CCDC149: variants seen among roughly 807,000 people sequenced by gnomAD.
CCDC149 encodes the protein coiled-coil domain containing 149, also known as coiled-coil domain-containing protein 149.
A neutral mutation model predicts 59.9 loss-of-function variants in CCDC149; 45 were observed. That is an observed-to-expected ratio of 0.75 (90% CI 0.59 to 0.96). The LOEUF is 0.96. CCDC149 is among the 40% of genes least tolerant of loss of function. The pLI, the probability that CCDC149 is intolerant of heterozygous loss-of-function variation, is 0.00. For missense variants in CCDC149, 584 were observed against 664.7 expected (o/e 0.88, Z 1.33); for synonymous variants, 245 against 260.6 (o/e 0.94, Z 0.58).
chr4:24,812,430 C>T lies in CCDC149; in HGVS notation c.1193-3611G>A, dbSNP rs534662347. Reference sequence around the variant, plus strand: ...CCAGATCTATATCGATGGCTCTGCTCGCTTCTTGTAGAAGATACAGACCCA... The same window carrying T: ...CCAGATCTATATCGATGGCTCTGCTTGCTTCTTGTAGAAGATACAGACCCA... On this transcript the variant is annotated intron_variant, in intron 12 of 12. Coordinates refer to ENST00000635206, the MANE Select transcript of CCDC149 (RefSeq NM_001330643.2). Among the ~76,000 whole-genome samples, 7 of 152,328 alleles carry T rather than the reference C, an allele frequency of 4.6e-5. No individual in the cohort carries two copies. The East Asian group carries it at 1.2e-3, about 25-fold the overall frequency.
intron 1 of CCDC149, among the ~76,000 whole-genome samples, chr4:24,939,118 G>A (rs1295391094): frequency 6.6e-6 from 1 of 152,236 alleles, no homozygotes; most frequent in Non-Finnish European, 1.5e-5. Context: ...CCTGACCCCT[G>A]AGTAGCCTAA....
chr4:24,825,144 G>A (rs1254406913), intron 9 of CCDC149, among the ~76,000 whole-genome samples: 2 of 152,176 alleles, frequency 1.3e-5, no homozygotes, highest in African/African-American at 4.8e-5. Flanking sequence ...ATCCAGCTCT[G>A]TAAAGCACTA....
chr4:24,843,172 T>C (rs896532049), intron 4 of CCDC149, among the ~76,000 whole-genome samples: 1 of 152,222 alleles, frequency 6.6e-6, no homozygotes, highest in African/African-American at 2.4e-5. Context: ...GCTTTCAAAG[T>C]GCAATCCCCA....
chr4:24,954,495 G>A (rs1723406406), intron 1 of CCDC149, among the ~76,000 whole-genome samples: 1 of 152,200 alleles, frequency 6.6e-6, no homozygotes, highest in Non-Finnish European at 1.5e-5. Flanking sequence ...TCCACAGCTT[G>A]TACACTCTGC....
intron 2 of CCDC149, among the ~76,000 whole-genome samples, chr4:24,874,244 G>GTTTTTTTTTTTTTTTTTTTTTTTTTTTTT (rs5856868): frequency 6.9e-5 from 6 of 87,486 alleles, no homozygotes; most frequent in African/African-American, 3.5e-4. Context: ...TATTAGATTT[G>GTTTTTTTTTTTTTTTTTTTTTTTTTTTTT]TTTTTTTTTT....
chr4:24,977,503 CCAAA>C (rs1724256822), intron 1 of CCDC149, among the ~76,000 whole-genome samples: 1 of 152,088 alleles, frequency 6.6e-6, no homozygotes, highest in Admixed American at 6.5e-5. Context: ...TCATTTGTGG[CCAAA>C]CAAATCCTAA....
chr4:24,822,849 C>G, intron 9 of CCDC149: 1 of 267,934 alleles, frequency 3.7e-6, no homozygotes, highest in Non-Finnish European at 6.9e-6. Flanking sequence ...AATGATGACT[C>G]CACCGCTGCC....
At chr4:24,892,636 C>T (rs1008002465) in intron 1 of CCDC149, among the ~76,000 whole-genome samples, 2 of 152,170 alleles carry the variant, frequency 1.3e-5, no homozygotes, top group Non-Finnish European at 2.9e-5. Flanking sequence ...CTCATTTGAT[C>T]CTCACAAGGA....
intron 1 of CCDC149, among the ~76,000 whole-genome samples, chr4:24,976,996 C>G (rs927104196): frequency 2.6e-5 from 4 of 152,184 alleles, no homozygotes; most frequent in African/African-American, 9.7e-5. Flanking sequence ...ACAAACAAAC[C>G]TCATTTCTAA....
chr4:24,939,237 A>G lies in CCDC149; in HGVS notation c.-65+40832T>C, dbSNP rs760613928. ...CAGGCAGCAGCATTTGCGGTTCACC[A>G]ATATCTGCTGTTCTGCAGCCACTGC... On this transcript the variant is annotated intron_variant, in intron 1 of 12. Transcript: ENST00000389609. 1.4e-3 allele frequency among the ~76,000 whole-genome samples: 220 copies of G among 152,310 alleles called. 1 individual carries two copies. The highest frequency in any genetic ancestry group is 3.4e-3 in the Middle Eastern group (1 of 294).
intron 3 of CCDC149, among the ~76,000 whole-genome samples, chr4:24,864,699 C>A (rs1012306443): frequency 6.6e-6 from 1 of 152,166 alleles, no homozygotes; most frequent in Non-Finnish European, 1.5e-5. Flanking sequence ...AGGCAGTGAG[C>A]AAAATGAACC....
chr4:24,913,204 A>G (rs1341565731), upstream of CCDC149, among the ~76,000 whole-genome samples: 1 of 152,044 alleles, frequency 6.6e-6, no homozygotes, highest in Non-Finnish European at 1.5e-5. Flanking sequence ...GTCTCAGCCT[A>G]CAGGTCACTC....
At chr4:24,957,154 T>C (rs960363214) in intron 1 of CCDC149, among the ~76,000 whole-genome samples, 2 of 152,194 alleles carry the variant, frequency 1.3e-5, no homozygotes, top group Non-Finnish European at 2.9e-5. Context: ...TATCTGACCA[T>C]GAAGTATCAT....
chr4:24,971,605 C>T (rs1353807620), intron 1 of CCDC149, among the ~76,000 whole-genome samples: 1 of 152,200 alleles, frequency 6.6e-6, no homozygotes, highest in Non-Finnish European at 1.5e-5. Context: ...GAGAGTACAG[C>T]CATGTAGAAG....
chr4:24,849,933 T>A (rs1364626609), intron 4 of CCDC149, among the ~76,000 whole-genome samples: 1 of 152,206 alleles, frequency 6.6e-6, no homozygotes, highest in East Asian at 1.9e-4. Flanking sequence ...CACTTATCCC[T>A]TGTCCCCCAA....
chr4:24,896,280 G>C (rs1379786222), intron 1 of CCDC149, among the ~76,000 whole-genome samples: 1 of 152,164 alleles, frequency 6.6e-6, no homozygotes, highest in Non-Finnish European at 1.5e-5. Context: ...GGAAATGGGG[G>C]GTAAGGTGAC....
intron 1 of CCDC149, among the ~76,000 whole-genome samples, chr4:24,881,529 G>C (rs1344211129): frequency 2.0e-5 from 3 of 152,234 alleles, no homozygotes; most frequent in Admixed American, 6.5e-5. Context: ...GGTCCACAGA[G>C]AACTTTGTGT....
chr4:24,904,769 TAC>T (rs1270594150), intron 1 of CCDC149, among the ~76,000 whole-genome samples: 1 of 152,256 alleles, frequency 6.6e-6, no homozygotes, highest in Non-Finnish European at 1.5e-5. Flanking sequence ...GATTTCCATT[TAC>T]AGTTCCCTAA....
chr4:24,938,399 A>G (rs1274007559), intron 1 of CCDC149, among the ~76,000 whole-genome samples: 4 of 152,236 alleles, frequency 2.6e-5, no homozygotes, highest in Non-Finnish European at 5.9e-5. Flanking sequence ...TTTGACTCCA[A>G]TAAATAAATT....
Sources: gnomAD v4.1 joint callset for allele counts (sites outside exome capture counted in the v4.1 genomes callset) on GRCh38, gnomAD v4.1.1 for gene constraint, MANE v1.5 for transcripts, NCBI Gene and HGNC (gene_info 2026-07-23, HGNC 2026-07-21) for gene names.